Variants in LDB2 observed in about 807,000 individuals in gnomAD.
The protein encoded by LDB2 is LIM domain binding 2.
Under a neutral mutation model 44.3 loss-of-function variants are expected in LDB2, and 12 were observed. That is an observed-to-expected ratio of 0.27 (90% CI 0.17 to 0.44). The LOEUF is 0.44. LDB2 is among the 20% of genes least tolerant of loss of function. The pLI is 1.00. For missense variants in LDB2, 344 were observed against 473.5 expected, an observed-to-expected ratio of 0.73 and a Z score of 2.54; for synonymous variants, 164 against 174.8, an observed-to-expected ratio of 0.94 and a Z score of 0.49.
intron 1 of LDB2, among the ~76,000 whole-genome samples, chr4:16,816,827 T>G (rs1781025986): frequency 6.6e-6 from 1 of 152,214 alleles, no homozygotes; most frequent in Non-Finnish European, 1.5e-5. Flanking sequence ...TTTCTTTGTC[T>G]TTATATATAT....
chr4:16,728,347 A>T (rs1759983008), intron 2 of LDB2, among the ~76,000 whole-genome samples: 1 of 152,176 alleles, frequency 6.6e-6, no homozygotes, highest in Admixed American at 6.6e-5. Flanking sequence ...TGTGCATTTT[A>T]ATATATCAGA....
intron 5 of LDB2, among the ~76,000 whole-genome samples, chr4:16,542,317 C>T (rs1300232937): frequency 6.6e-6 from 1 of 152,154 alleles, no homozygotes; most frequent in African/African-American, 2.4e-5. Context: ...ATAAACAAGA[C>T]ATCCTGGATG....
At chr4:16,508,834 A>G in intron 6 of LDB2, 148 bp from the exon 7 acceptor site, 1 of 725,584 alleles carries the variant, frequency 1.4e-6, no homozygotes, top group Non-Finnish European at 2.1e-6. Flanking sequence ...TAGAAAGAAT[A>G]AAAGGAGAAA....
chr4:16,772,987 T>C (rs1434969843), intron 1 of LDB2, among the ~76,000 whole-genome samples: 4 of 152,206 alleles, frequency 2.6e-5, no homozygotes, highest in Non-Finnish European at 4.4e-5. Flanking sequence ...AGATACGGCA[T>C]TGCCGGGTAG....
At chr4:16,751,740 G>A (rs573076552) in intron 2 of LDB2, among the ~76,000 whole-genome samples, 53 of 152,300 alleles carry the variant, frequency 3.5e-4, no homozygotes, top group African/African-American at 1.3e-3. Context: ...TCTGGCCTAG[G>A]AAGGCAATGT....
intron 1 of LDB2, among the ~76,000 whole-genome samples, chr4:16,853,934 A>C (rs760555494): frequency 3.7e-4 from 57 of 152,156 alleles, no homozygotes; most frequent in Non-Finnish European, 6.3e-4. Context: ...AAAAAATTTA[A>C]ATATACAGAG....
intron 1 of LDB2, among the ~76,000 whole-genome samples, chr4:16,854,084 G>C (rs1009807038): frequency 6.6e-6 from 1 of 151,956 alleles, no homozygotes; most frequent in Non-Finnish European, 1.5e-5. Context: ...GAGGACTATA[G>C]GTAATATAAC....
chr4:16,627,438 A>G (rs1264189637), intron 2 of LDB2, among the ~76,000 whole-genome samples: 2 of 152,152 alleles, frequency 1.3e-5, no homozygotes, highest in African/African-American at 2.4e-5. Context: ...TGGGGAGCTC[A>G]CTCTACCTTC....
At chr4:16,795,776 ACAT>A (rs1776620139) in intron 1 of LDB2, among the ~76,000 whole-genome samples, 1 of 152,196 alleles carries the variant, frequency 6.6e-6, no homozygotes, top group Non-Finnish European at 1.5e-5. Context: ...TAGGACCAGT[ACAT>A]AATAGATAGT....
chr4:16,586,360 G>T (rs1418674700), intron 4 of LDB2, among the ~76,000 whole-genome samples: 1 of 152,094 alleles, frequency 6.6e-6, no homozygotes, highest in East Asian at 1.9e-4. Context: ...CATTAGAGAA[G>T]CCAGTCCCCC....
At chr4:16,837,982 G>T (rs1025518088) in intron 1 of LDB2, among the ~76,000 whole-genome samples, 1 of 152,216 alleles carries the variant, frequency 6.6e-6, no homozygotes, top group South Asian at 2.1e-4. Flanking sequence ...TATTGCTGAA[G>T]GCAGGGACTA....
At chr4:16,781,648 C>A (rs1277438798) in intron 1 of LDB2, among the ~76,000 whole-genome samples, 1 of 152,108 alleles carries the variant, frequency 6.6e-6, no homozygotes, top group African/African-American at 2.4e-5. Context: ...AGTTAAGTAT[C>A]TTTTTCAGAA....
chr4:16,715,812 A>G (rs1756959276), intron 2 of LDB2, among the ~76,000 whole-genome samples: 1 of 152,128 alleles, frequency 6.6e-6, no homozygotes, highest in Non-Finnish European at 1.5e-5. Context: ...AGAAGGAGTC[A>G]ACCACAAGGA....
intron 5 of LDB2, among the ~76,000 whole-genome samples, chr4:16,512,896 A>T (rs529522654): frequency 6.6e-6 from 1 of 152,332 alleles, no homozygotes; most frequent in Non-Finnish European, 1.5e-5. Context: ...ATTGCCTTGG[A>T]CTTTTCCGAA....
chr4:16,761,093 A>C (rs1006241222), intron 1 of LDB2, among the ~76,000 whole-genome samples: 2 of 151,856 alleles, frequency 1.3e-5, no homozygotes, highest in African/African-American at 4.8e-5. Flanking sequence ...CCCAACCCCC[A>C]GAACAGTGTC....
chr4:16,641,226 G>A (rs1347731228), intron 2 of LDB2, among the ~76,000 whole-genome samples: 2 of 152,058 alleles, frequency 1.3e-5, no homozygotes, highest in Non-Finnish European at 2.9e-5. Flanking sequence ...TTCAGGAGAC[G>A]GCAGGTAGGA....
At chr4:16,669,456 G>C (rs529739146) in intron 2 of LDB2, among the ~76,000 whole-genome samples, 53 of 152,168 alleles carry the variant, frequency 3.5e-4, no homozygotes, top group Non-Finnish European at 6.8e-4. Context: ...TTTTAATCAA[G>C]TTCTTCCAGC....
chr4:16,588,441 A>G (rs1717767739), intron 4 of LDB2, among the ~76,000 whole-genome samples: 1 of 152,246 alleles, frequency 6.6e-6, no homozygotes, highest in South Asian at 2.1e-4. Context: ...AAAAGTACAA[A>G]CTGTTTATTG....
Position 16,804,318 on chromosome 4 carries a change from G to C in LDB2, c.133-45058C>G, listed in dbSNP as rs537946202. Among the ~76,000 whole-genome samples the C allele has an allele frequency of 5.3e-5, 8 of 152,142 alleles. No individual in the cohort carries two copies. The South Asian group carries it at 8.3e-4, about 16-fold the overall frequency. On this transcript the variant is annotated intron_variant, in intron 1 of 7. Coordinates refer to ENST00000304523, the MANE Select transcript of LDB2 (RefSeq NM_001290.5). The stretch of plus-strand genomic sequence containing the variant: ...CACATATATATTAATACATAGAAAG[G>C]GGGTAAAACAGAGAGAAAAAGACAG...
Sources: gnomAD v4.1 joint callset for allele counts (sites outside exome capture counted in the v4.1 genomes callset) on GRCh38, gnomAD v4.1.1 for gene constraint, MANE v1.5 for transcripts, NCBI Gene and HGNC (gene_info 2026-07-23, HGNC 2026-07-21) for gene names.